GTF2IRD1: variants seen among roughly 807,000 people sequenced by gnomAD.
The protein encoded by GTF2IRD1 is general transcription factor II-I repeat domain-containing protein 1.
In GTF2IRD1, 26 loss-of-function variants were observed where a neutral mutation model predicts 113.2. The ratio of observed to expected loss-of-function variants is 0.23; its 90% CI spans 0.17 to 0.32. The LOEUF is 0.32. Among genes scored for constraint, GTF2IRD1 ranks in the 10% least tolerant of loss-of-function variants. The pLI, the probability that GTF2IRD1 is intolerant of heterozygous loss-of-function variation, is 1.00. For missense variants in GTF2IRD1, 864 were observed against 1,280.8 expected, an observed-to-expected ratio of 0.67 and a Z score of 4.97; for synonymous variants, 484 against 529.1, an observed-to-expected ratio of 0.91 and a Z score of 1.17.
In GTF2IRD1 at chr7:74,479,982, A is replaced by G. The variant is rs192621558; in HGVS notation, c.-7+25806A>G. Among the ~76,000 whole-genome samples, 849 of 151,934 alleles carry G rather than the reference A, an allele frequency of 5.6e-3. 6 individuals carry two copies. The highest frequency in any genetic ancestry group is 7.2e-3 in the Non-Finnish European group (488 of 67,918). ...GGCTGGTCTCAAACTCCTGACCTCAAGTGATCTGCCCGCCTCGGCCTCCCT... is the reference window on the plus strand; with the variant it reads ...GGCTGGTCTCAAACTCCTGACCTCAGGTGATCTGCCCGCCTCGGCCTCCCT... On this transcript the variant is annotated intron_variant, in intron 1 of 26. Coordinates refer to ENST00000424337, the MANE Select transcript of GTF2IRD1 (RefSeq NM_005685.4).
chr7:74,496,615 GGTGTGCGTGTGGGTGTGCATGTAT>G (rs1259990665), intron 1 of GTF2IRD1, among the ~76,000 whole-genome samples: 47 of 142,716 alleles, frequency 3.3e-4, no homozygotes, highest in Admixed American at 1.3e-3. Flanking sequence ...CATGTATGTG[GGTGTGCGTGTGGGTGTGCATGTAT>G]GTGTGCGTGT....
At chr7:74,467,540 G>A (rs1457741154) in intron 1 of GTF2IRD1, among the ~76,000 whole-genome samples, 3 of 151,752 alleles carry the variant, frequency 2.0e-5, no homozygotes, top group East Asian at 1.9e-4. Flanking sequence ...TTGCTCTGTC[G>A]CCCAGGCTGG....
chr7:74,492,565 A>G (rs1333039440), intron 1 of GTF2IRD1, among the ~76,000 whole-genome samples: 5 of 152,150 alleles, frequency 3.3e-5, no homozygotes, highest in African/African-American at 9.7e-5. Flanking sequence ...CTCATGATCA[A>G]TGATGTTGAT....
intron 22 of GTF2IRD1, among the ~76,000 whole-genome samples, chr7:74,566,597 T>C (rs1477597920): frequency 1.3e-5 from 2 of 152,110 alleles, no homozygotes; most frequent in African/African-American, 4.8e-5. Context: ...CCGCCTCGGC[T>C]TCCCAAACTG....
chr7:74,587,761 C>T (rs1554368301), intron 22 of GTF2IRD1, among the ~76,000 whole-genome samples: 22 of 152,148 alleles, frequency 1.4e-4, no homozygotes, highest in Non-Finnish European at 1.5e-5. Flanking sequence ...CTCAGCCTTA[C>T]AGCCCAGCTC....
intron 1 of GTF2IRD1, among the ~76,000 whole-genome samples, chr7:74,485,552 G>C (rs368821787): frequency 6.6e-5 from 10 of 151,928 alleles, no homozygotes; most frequent in African/African-American, 2.2e-4. Flanking sequence ...AGGAGGCGGA[G>C]CTTGCAGTGA....
chr7:74,527,881 G>A (rs1464461209), intron 8 of GTF2IRD1, among the ~76,000 whole-genome samples: 3 of 152,174 alleles, frequency 2.0e-5, no homozygotes, highest in Non-Finnish European at 4.4e-5. Flanking sequence ...TAATGAAAAC[G>A]TGTAGCTGGG....
Position 74,519,726 on chromosome 7 carries a change from T to TTGC in GTF2IRD1, c.916+13_916+15dup. 6.5e-7 allele frequency: 1 copy of TTGC among 1,546,730 alleles called. No individual in the cohort carries two copies. Among genetic ancestry groups the TTGC allele is most frequent in the Non-Finnish European group, 8.8e-7 (1 of 1,142,144 alleles). On this transcript the variant is annotated splice_region_variant and intron_variant, in intron 6 of 26. Coordinates refer to ENST00000424337, the MANE Select transcript of GTF2IRD1 (RefSeq NM_005685.4). Reference sequence around the variant, plus strand: ...GACTTCTCCGACTGTTGTGGTAACATTGCTGCTGGGATCTCCAAGTCTAGG... The same window carrying TTGC: ...GACTTCTCCGACTGTTGTGGTAACATTGCTGCTGCTGGGATCTCCAAGTCTAGG...
At chr7:74,454,607 C>G (rs1792840549) in intron 1 of GTF2IRD1, among the ~76,000 whole-genome samples, 1 of 152,076 alleles carries the variant, frequency 6.6e-6, no homozygotes, top group South Asian at 2.1e-4. Flanking sequence ...CACCTTCTCC[C>G]GGTCTGGGCC....
intron 8 of GTF2IRD1, among the ~76,000 whole-genome samples, chr7:74,528,857 GGATGAATGGGCA>G (rs1434790736): frequency 6.6e-6 from 1 of 150,484 alleles, no homozygotes; most frequent in African/African-American, 2.5e-5. Flanking sequence ...AAGGATGGAT[GGATGAATGGGCA>G]GATGGATGGA....
At chr7:74,549,461 C>G (rs1799161890) in intron 17 of GTF2IRD1, among the ~76,000 whole-genome samples, 1 of 152,150 alleles carries the variant, frequency 6.6e-6, no homozygotes, top group South Asian at 2.1e-4. Flanking sequence ...GGACAGGGAG[C>G]TCTACTGCAG....
intron 2 of GTF2IRD1, 136 bp downstream of exon 2, chr7:74,508,339 C>T (rs1211206911): frequency 1.2e-4 from 105 of 861,434 alleles, no homozygotes; most frequent in Non-Finnish European, 1.7e-4. Flanking sequence ...CAGCTAGGGC[C>T]ACGATGCCTG....
intron 1 of GTF2IRD1, among the ~76,000 whole-genome samples, chr7:74,463,848 C>G (rs528196654): frequency 2.0e-5 from 3 of 151,942 alleles, no homozygotes; most frequent in Non-Finnish European, 4.4e-5. Flanking sequence ...CTCAGCTTCT[C>G]GAGTAGCTGG....
At chr7:74,590,787 A>C in intron 23 of GTF2IRD1, 38 bp from the exon 24 acceptor site, 1 of 1,415,202 alleles carries the variant, frequency 7.1e-7, no homozygotes, top group Non-Finnish European at 9.7e-7. Flanking sequence ...CATTGACAGG[A>C]GACATCTTTC....
At chr7:74,566,596 C>T (rs369140631) in intron 22 of GTF2IRD1, among the ~76,000 whole-genome samples, 12 of 152,352 alleles carry the variant, frequency 7.9e-5, no homozygotes, top group East Asian at 3.9e-4. Flanking sequence ...CCCGCCTCGG[C>T]TTCCCAAACT....
At chr7:74,482,501 T>G (rs530037695) in intron 1 of GTF2IRD1, among the ~76,000 whole-genome samples, 22 of 152,274 alleles carry the variant, frequency 1.4e-4, no homozygotes, top group Non-Finnish European at 3.1e-4. Flanking sequence ...GTGCTGGGAT[T>G]ACGGGTGCGA....
chr7:74,515,670 C>A lies in GTF2IRD1; in HGVS notation c.421+74C>A, dbSNP rs60575774. The A allele has an allele frequency of 0.019, 26,709 of 1,391,468 alleles. 3,686 individuals carry two copies. The East Asian group carries it at 0.38, about 20-fold the overall frequency. The allele number at this position is 1,391,468 out of a possible 1,614,324, so 86.2% of individuals were successfully genotyped here. A position where few individuals can be genotyped will look rare whatever the true frequency, so the allele number is the denominator to read the frequency against. Reference sequence around the variant, plus strand: ...CTCGGTCCCCACCCAGCAGAGGGGGCCCCCTCCTGTCCCACTATGGGCCCT... The same window carrying A: ...CTCGGTCCCCACCCAGCAGAGGGGGACCCCTCCTGTCCCACTATGGGCCCT... On this transcript the variant is annotated intron_variant, in intron 4 of 26. Coordinates refer to ENST00000424337, the MANE Select transcript of GTF2IRD1 (RefSeq NM_005685.4).
At chr7:74,566,130 A>G (rs1425146892) in intron 22 of GTF2IRD1, among the ~76,000 whole-genome samples, 1 of 152,166 alleles carries the variant, frequency 6.6e-6, no homozygotes, top group Non-Finnish European at 1.5e-5. Flanking sequence ...TTATGATGAT[A>G]CATTTCTTCC....
At chr7:74,577,357 C>T (rs1259897482) in intron 22 of GTF2IRD1, among the ~76,000 whole-genome samples, 1 of 152,046 alleles carries the variant, frequency 6.6e-6, no homozygotes, top group African/African-American at 2.4e-5. Context: ...TAATTCTTAG[C>T]ATATTGCCAA....
Sources: gnomAD v4.1 joint callset for allele counts (sites outside exome capture counted in the v4.1 genomes callset) on GRCh38, gnomAD v4.1.1 for gene constraint, MANE v1.5 for transcripts, NCBI Gene and HGNC (gene_info 2026-07-23, HGNC 2026-07-21) for gene names.